WWC1: variants seen among roughly 807,000 people sequenced by gnomAD.
WWC1 encodes the protein WW and C2 domain containing 1, also known as protein KIBRA.
A neutral mutation model predicts 138.4 loss-of-function variants in WWC1; 55 were observed. The ratio of observed to expected loss-of-function variants is 0.40; its 90% CI spans 0.32 to 0.50. The LOEUF is 0.50. Among genes scored for constraint, WWC1 ranks in the 20% least tolerant of loss-of-function variants. The pLI is 0.72. For synonymous variants in WWC1, 524 were observed against 564.9 expected (o/e 0.93, Z 1.03); for missense variants, 1,226 against 1,420.4 (o/e 0.86, Z 2.20).
chr5:168,292,407 C>A lies in WWC1; in HGVS notation c.119+136C>A. 9.9e-7 allele frequency: 1 copy of A among 1,012,294 alleles called. No homozygotes were observed. Among genetic ancestry groups the A allele is most frequent in the African/African-American group, 1.7e-5 (1 of 57,996 alleles). 62.7% of individuals were successfully genotyped at this position (1,012,294 alleles called of 1,614,324 possible). On this transcript the variant is annotated intron_variant, in intron 1 of 22. Coordinates refer to ENST00000265293, the MANE Select transcript of WWC1 (RefSeq NM_015238.3). The surrounding 1 kb of genome is among the most constrained non-coding windows in gnomAD (Gnocchi z 4.4). ...TTGAGCTCTCTTCAGTTCGCCACCC[C>A]CTGCTCCCCCCAACCTTCTGGAGCG...
At chr5:168,389,025 T>A (rs909008140) in intron 3 of WWC1, among the ~76,000 whole-genome samples, 8 of 152,088 alleles carry the variant, frequency 5.3e-5, no homozygotes, top group Non-Finnish European at 1.0e-4. Context: ...ATATTTAAAA[T>A]TCATGGCTCT....
chr5:168,444,385 T>C lies in WWC1; in HGVS notation c.2434-109T>C, dbSNP rs964968480. The stretch of plus-strand genomic sequence containing the variant: ...ACACTTGACCACTCTGGTCTTTGGT[T>C]TCACCATCAATTCACTGGGAGGGTC... On this transcript the variant is annotated intron_variant, in intron 16 of 22. Coordinates refer to ENST00000265293, the MANE Select transcript of WWC1 (RefSeq NM_015238.3). 3.7e-5 allele frequency: 42 copies of C among 1,141,638 alleles called. No homozygotes were observed. The Admixed American group carries it at 9.8e-4, about 27-fold the overall frequency. The allele number at this position is 1,141,638 out of a possible 1,614,324, so 70.7% of individuals were successfully genotyped here.
At chr5:168,374,068 A>C (rs1156301769) in intron 2 of WWC1, among the ~76,000 whole-genome samples, 2 of 148,512 alleles carry the variant, frequency 1.3e-5, no homozygotes, top group Middle Eastern at 3.2e-3. Flanking sequence ...AAAAAAAGAG[A>C]GAGAGGTATA....
At chr5:168,346,612 G>A (rs541946481) in intron 1 of WWC1, among the ~76,000 whole-genome samples, 17 of 152,308 alleles carry the variant, frequency 1.1e-4, no homozygotes, top group African/African-American at 4.1e-4. Context: ...AATACCTCCT[G>A]TTTGACTAGG....
intron 17 of WWC1, among the ~76,000 whole-genome samples, chr5:168,453,652 TCTC>T (rs1417922597): frequency 1.3e-5 from 2 of 152,080 alleles, no homozygotes; most frequent in African/African-American, 4.8e-5. Flanking sequence ...TTCAAGCAAT[TCTC>T]CTGCCTCAGC....
At chr5:168,318,788 A>G (rs982392785) in intron 1 of WWC1, among the ~76,000 whole-genome samples, 4 of 151,888 alleles carry the variant, frequency 2.6e-5, no homozygotes, top group Admixed American at 6.6e-5. Context: ...TCAAACTTCT[A>G]ACCTCAGGTG....
At chr5:168,432,881 G>A (rs1782057332) in intron 15 of WWC1, among the ~76,000 whole-genome samples, 1 of 152,198 alleles carries the variant, frequency 6.6e-6, no homozygotes, top group Non-Finnish European at 1.5e-5. Flanking sequence ...TCTGGAAGCT[G>A]GAATGTAGAG....
intron 1 of WWC1, among the ~76,000 whole-genome samples, chr5:168,366,453 A>C (rs1015272824): frequency 6.6e-6 from 1 of 152,154 alleles, no homozygotes; most frequent in Non-Finnish European, 1.5e-5. Context: ...GGGAATGAGA[A>C]TATCAAACCC....
intron 8 of WWC1, among the ~76,000 whole-genome samples, chr5:168,410,828 G>A (rs1780172074): frequency 6.6e-6 from 1 of 151,800 alleles, no homozygotes; most frequent in African/African-American, 2.4e-5. Context: ...TTATCTCCAT[G>A]TTAGAGAGGA....
At chr5:168,408,197 A>G (rs1779950386) in intron 6 of WWC1, among the ~76,000 whole-genome samples, 1 of 152,058 alleles carries the variant, frequency 6.6e-6, no homozygotes, top group Non-Finnish European at 1.5e-5. Context: ...AAATTGAGGC[A>G]AAGAGAGGTT....
intron 8 of WWC1, 168 bp downstream of exon 8, chr5:168,410,163 A>C (rs555944550): frequency 8.2e-5 from 59 of 718,778 alleles, no homozygotes; most frequent in Non-Finnish European, 1.0e-4. Flanking sequence ...TGAAATTCAG[A>C]GAGGAAATGA....
Position 168,431,314 on chromosome 5 carries a change from C to T in WWC1, c.2150C>T (p.Pro717Leu). The change falls in exon 15 of 23, where the codon CCT (proline) becomes CTT (leucine). Residue 717 changes from proline (P) to leucine (L), a missense_variant. Pro to Leu is a moderately conservative substitution (Grantham distance 98, BLOSUM62 -3). Coordinates refer to ENST00000265293, the MANE Select transcript of WWC1 (RefSeq NM_015238.3). ...ESTTCLFRTR[P>L]LDASDTLVFN... ...ACAACCTGCCTGTTCCGGACCCGGC[C>T]TCTGGACGCCTCAGACACTCTAGTG... The T allele has an allele frequency of 6.2e-7, 1 of 1,614,186 alleles. No individual in the cohort carries two copies. The highest frequency in any genetic ancestry group is 1.1e-5 in the South Asian group (1 of 91,078).
At chr5:168,337,380 C>T (rs1773575699) in intron 1 of WWC1, among the ~76,000 whole-genome samples, 1 of 152,228 alleles carries the variant, frequency 6.6e-6, no homozygotes, top group Non-Finnish European at 1.5e-5. Context: ...CTCTTTCCTA[C>T]ACCCCTCCCC....
intron 19 of WWC1, among the ~76,000 whole-genome samples, chr5:168,456,675 A>G (rs1013772001): frequency 7.4e-5 from 11 of 149,474 alleles, no homozygotes; most frequent in Non-Finnish European, 1.6e-4. Flanking sequence ...AAAGCCCTTA[A>G]GACAATGGAT....
intron 7 of WWC1, among the ~76,000 whole-genome samples, chr5:168,409,284 T>A (rs560092113): frequency 1.3e-5 from 2 of 152,280 alleles, no homozygotes; most frequent in Admixed American, 1.3e-4. Context: ...TATATGCTGT[T>A]CCTATCTAAG....
intron 3 of WWC1, among the ~76,000 whole-genome samples, chr5:168,389,851 C>G (rs1016543727): frequency 2.0e-5 from 3 of 152,020 alleles, no homozygotes; most frequent in Admixed American, 6.6e-5. Flanking sequence ...TGTTCTGTAC[C>G]CACTAGCTGC....
intron 9 of WWC1, 190 bp downstream of exon 9, chr5:168,414,780 A>G: frequency 1.2e-6 from 1 of 827,254 alleles, no homozygotes; most frequent in Non-Finnish European, 1.8e-6. Flanking sequence ...TGCGCCAGCT[A>G]CCCTGGAATT....
intron 21 of WWC1, among the ~76,000 whole-genome samples, chr5:168,466,862 T>C (rs547177065): frequency 1.3e-5 from 2 of 151,944 alleles, no homozygotes; most frequent in African/African-American, 4.8e-5. Context: ...GACTGAGAAG[T>C]AATATGTGCC....
intron 1 of WWC1, among the ~76,000 whole-genome samples, chr5:168,358,646 C>T (rs1347549144): frequency 1.3e-5 from 2 of 152,162 alleles, no homozygotes; most frequent in Non-Finnish European, 2.9e-5. Flanking sequence ...GCTAATAATA[C>T]TGTGTATAAG....
Sources: allele counts gnomAD v4.1 joint callset (sites outside exome capture counted in the v4.1 genomes callset), GRCh38; gene constraint gnomAD v4.1.1; non-coding constraint Gnocchi (gnomAD v3.1); transcripts MANE v1.5; gene names NCBI Gene and HGNC (gene_info 2026-07-23, HGNC 2026-07-21).